HES6: variants seen among roughly 807,000 people sequenced by gnomAD.
HES6 encodes the protein hes family bHLH transcription factor 6, also known as transcription cofactor HES-6.
Under a neutral mutation model 16.4 loss-of-function variants are expected in HES6, and 24 were observed. That is an observed-to-expected ratio of 1.46 (90% confidence interval 1.06 to 2.06). The LOEUF is 2.06. Among genes scored for constraint, HES6 ranks in the 30% most tolerant of loss-of-function variants. The pLI, the probability that HES6 is intolerant of heterozygous loss-of-function variation, is 0.00. For missense variants in HES6, 355 were observed against 317.6 expected (o/e 1.12, Z -0.90); for synonymous variants, 159 against 144.3 (o/e 1.10, Z -0.73).
chr2:238,239,609 C>CGGG, intron 2 of HES6, 41 bp from the exon 3 acceptor site: 41 of 1,145,184 alleles, frequency 3.6e-5, no homozygotes, highest in South Asian at 7.8e-5. Flanking sequence ...AGCGCGCTCC[C>CGGG]GGACCCGCCC....
Position 238,239,835 on chromosome 2 carries a change from C to A in HES6, c.71G>T (p.Gly24Val), listed in dbSNP as rs759285741. Reference sequence around the variant, plus strand: ...GGCCCCGGCCCGCACCTTGCGGTCCCCTCGCGTCTCCCAGCCGTCCTCATC... The same window carrying A: ...GGCCCCGGCCCGCACCTTGCGGTCCACTCGCGTCTCCCAGCCGTCCTCATC... ...REDEDGWETRGDRKARKPLVE... is the reference protein window; with the variant it reads ...REDEDGWETRVDRKARKPLVE... The change falls in exon 1 of 4, where the codon GGG becomes GTG. Residue 24 changes from glycine (G) to valine (V), a missense_variant. By Grantham distance (109) the Gly-to-Val change is moderately radical (BLOSUM62 -3). Coordinates refer to ENST00000272937, the MANE Select transcript of HES6 (RefSeq NM_018645.6). 3.6e-6 allele frequency: 5 copies of A among 1,391,348 alleles called. No individual in the cohort carries two copies. The East Asian group carries it at 1.5e-4, about 43-fold the overall frequency. The allele number at this position is 1,391,348 out of a possible 1,614,324, so 86.2% of individuals were successfully genotyped here.
Position 238,239,994 on chromosome 2 carries a change from G to A in HES6, c.-89C>T. On this transcript the variant is annotated 5_prime_UTR_variant, in exon 1 of 4. Transcript: ENST00000272937. ...GAGTGCCGGCGCCCTCCGCTGCCCC[G>A]CGGCCGCCCAGCAGCAGCCCAGCCG... 3.7e-6 allele frequency: 3 copies of A among 820,786 alleles called. No homozygotes were observed. The highest frequency in any genetic ancestry group is 4.6e-5 in the East Asian group (1 of 21,812). 50.8% of individuals were successfully genotyped at this position (820,786 alleles called of 1,614,324 possible). A position where few individuals can be genotyped will look rare whatever the true frequency, so the allele number is the denominator to read the frequency against.
chr2:238,238,723 G>A lies in HES6; in HGVS notation c.*104C>T. The A allele has an allele frequency of 1.7e-6, 2 of 1,160,642 alleles. No individual in the cohort carries two copies. Among genetic ancestry groups the A allele is most frequent in the Non-Finnish European group, 2.4e-6 (2 of 827,642 alleles). The allele number at this position is 1,160,642 out of a possible 1,614,324, so 71.9% of individuals were successfully genotyped here. On this transcript the variant is annotated 3_prime_UTR_variant, in exon 4 of 4. Transcript: ENST00000272937. Reference sequence around the variant, plus strand: ...CCATCAGAGGAGGGAGGGAAGACCTGGGAGACTTCCAGGGCCCTACCCCAC... The same window carrying A: ...CCATCAGAGGAGGGAGGGAAGACCTAGGAGACTTCCAGGGCCCTACCCCAC...
Position 238,238,595 on chromosome 2 carries a change from C to T in HES6, c.*232G>A. On this transcript the variant is annotated 3_prime_UTR_variant, in exon 4 of 4. Coordinates refer to ENST00000272937, the MANE Select transcript of HES6 (RefSeq NM_018645.6). ...AAATTCTTCCTCCTGCCCGTAGCTC[C>T]CTCCCTCCACCCACTCCAGAGCTGC... 1 of 552,866 alleles carries T rather than the reference C, an allele frequency of 1.8e-6. No homozygotes were observed. The highest frequency in any genetic ancestry group is 2.4e-5 in the South Asian group (1 of 41,442). The allele number at this position is 552,866 out of a possible 1,614,324, so 34.2% of individuals were successfully genotyped here. A position where few individuals can be genotyped will look rare whatever the true frequency, so the allele number is the denominator to read the frequency against.
Position 238,239,829 on chromosome 2 carries a change from C to T in HES6, c.77G>A (p.Arg26His). The T allele has an allele frequency of 2.9e-6, 4 of 1,394,630 alleles. No homozygotes were observed. Among genetic ancestry groups the T allele is most frequent in the Non-Finnish European group, 3.8e-6 (4 of 1,065,228 alleles). The allele number at this position is 1,394,630 out of a possible 1,614,324, so 86.4% of individuals were successfully genotyped here. A position where few individuals can be genotyped will look rare whatever the true frequency, so the allele number is the denominator to read the frequency against. The change falls in exon 1 of 4, where the codon CGC becomes CAC. Residue 26 changes from arginine (R) to histidine (H), a missense_variant. Physicochemically the swap from Arg to His is conservative, Grantham distance 29. Transcript: ENST00000272937. ...GCCCATGGCCCCGGCCCGCACCTTGCGGTCCCCTCGCGTCTCCCAGCCGTC... is the reference window on the plus strand; with the variant it reads ...GCCCATGGCCCCGGCCCGCACCTTGTGGTCCCCTCGCGTCTCCCAGCCGTC... Reference protein sequence around the residue: ...DEDGWETRGDRKARKPLVEKK... With the variant: ...DEDGWETRGDHKARKPLVEKK...
In HES6 at chr2:238,239,493, C is replaced by T. The variant is rs1695252482; in HGVS notation, c.244G>A (p.Ala82Thr). Residue 82 changes from alanine to threonine, a missense_variant, in exon 3 of 4, where the codon GCG (alanine) becomes ACG (threonine). Ala to Thr is a moderately conservative substitution (Grantham distance 58, BLOSUM62 0). Transcript: ENST00000272937. ...RRVQGVLRGR[A>T]REREQLQAEA... The stretch of plus-strand genomic sequence containing the variant: ...CCGCCCCGCCGCCACTCACCGCGCG[C>T]CCGGCCCCGCAGCACACCCTGGACC... 7.7e-7 allele frequency: 1 copy of T among 1,291,392 alleles called. No homozygotes were observed. The highest frequency in any genetic ancestry group is 2.4e-5 in the South Asian group (1 of 40,930). 80.0% of individuals were successfully genotyped at this position (1,291,392 alleles called of 1,614,324 possible).
intron 1 of HES6, 25 bp downstream of exon 1, chr2:238,239,800 G>T: frequency 7.1e-7 from 1 of 1,402,960 alleles, no homozygotes; most frequent in South Asian, 1.5e-5. Context: ...CCGCCCGCTT[G>T]CTCGCCCATG....
chr2:238,239,016 A>G lies in HES6; in HGVS notation c.486T>C (p.Pro162=), dbSNP rs1695232279. ...TTGGGGATCCCGGAGCGCCCCCCGC[A>G]GGCCAGCCACTCCGTCCAGGGGCTC... The part of the protein sequence containing the change: ...PPRAPGRSGW[P]AGGAPGSPIP... Residue 162 remains proline, a synonymous_variant, in exon 4 of 4, where the codon CCT becomes CCC. Coordinates refer to ENST00000272937, the MANE Select transcript of HES6 (RefSeq NM_018645.6). The G allele has an allele frequency of 4.4e-6, 7 of 1,608,150 alleles. No individual in the cohort carries two copies. In the East Asian group the frequency reaches 1.3e-4, roughly 31 times the overall value.
chr2:238,239,235 C>T lies in HES6; in HGVS notation c.267G>A (p.Gln89=), dbSNP rs1399098489. ...RGRAREREQL[Q]AEASERFAAG... Reference sequence around the variant, plus strand: ...CAGCGAAGCGCTCGCTCGCTTCCGCCTGCAGCTGCTCGCGCTCTGGGCCCG... The same window carrying T: ...CAGCGAAGCGCTCGCTCGCTTCCGCTTGCAGCTGCTCGCGCTCTGGGCCCG... Residue 89 remains glutamine, a synonymous_variant, in exon 4 of 4, where the codon CAG becomes CAA. Transcript: ENST00000272937. 1 of 1,607,330 alleles carries T rather than the reference C, an allele frequency of 6.2e-7. No homozygotes were observed. The highest frequency in any genetic ancestry group is 1.3e-5 in the African/African-American group (1 of 75,034).
chr2:238,239,791 C>A, intron 1 of HES6, 34 bp downstream of exon 1: 1 of 1,401,634 alleles, frequency 7.1e-7, no homozygotes, highest in Non-Finnish European at 9.3e-7. Flanking sequence ...CACGGCCTCC[C>A]GCCCGCTTGC....
At position 238,238,360 on chromosome 2, in the gene HES6, A is replaced by G. The variant is rs994512533; in HGVS notation, c.*467T>C. ...CAAACTCAAGTGTGCTACAAACAAGATGTACAGAGCATCACAGCTCTGGGC... is the reference window on the plus strand; with the variant it reads ...CAAACTCAAGTGTGCTACAAACAAGGTGTACAGAGCATCACAGCTCTGGGC... On this transcript the variant is annotated 3_prime_UTR_variant, in exon 4 of 4. Transcript: ENST00000272937. The G allele has an allele frequency of 9.6e-5, 17 of 176,824 alleles. No individual in the cohort carries two copies. Among genetic ancestry groups the G allele is most frequent in the Non-Finnish European group, 1.9e-4 (16 of 85,454 alleles). The allele number at this position is 176,824 out of a possible 1,614,324, so 11.0% of individuals were successfully genotyped here.
chr2:238,239,331 G>T, intron 3 of HES6, 80 bp from the exon 4 acceptor site: 1 of 1,442,554 alleles, frequency 6.9e-7, no homozygotes, highest in Non-Finnish European at 9.1e-7. Context: ...CCCGGCCCGC[G>T]GGGACGCGGC....
rs1695271481 is a variant in HES6, at chr2:238,239,922, A to G, written c.-17T>C. ...TGGCGCCATGCCCGCTCCGCCGGGG[A>G]CGCGGCAGGGGCTAGGAGCAGCGGG... is the stretch of plus-strand genomic sequence containing the variant. On this transcript the variant is annotated 5_prime_UTR_variant, in exon 1 of 4. Coordinates refer to ENST00000272937, the MANE Select transcript of HES6 (RefSeq NM_018645.6). 8.3e-7 allele frequency: 1 copy of G among 1,200,116 alleles called. No individual in the cohort carries two copies. The highest frequency in any genetic ancestry group is 1.0e-6 in the Non-Finnish European group (1 of 966,564). 74.3% of individuals were successfully genotyped at this position (1,200,116 alleles called of 1,614,324 possible).
At position 238,238,830 on chromosome 2, in the gene HES6, C is replaced by T; in HGVS notation, c.672G>A (p.Trp224Ter). 1.9e-6 allele frequency: 3 copies of T among 1,560,134 alleles called. No individual in the cohort carries two copies. The highest frequency in any genetic ancestry group is 2.6e-6 in the Non-Finnish European group (3 of 1,159,276). The change falls in exon 4 of 4, where the codon TGG becomes TGA. Residue 224 changes from tryptophan (W) to a stop codon, truncating the protein, a stop_gained. Coordinates refer to ENST00000272937, the MANE Select transcript of HES6 (RefSeq NM_018645.6). LOFTEE classifies it high-confidence loss of function. ...AQIARSVWRP[W>*] ...GCAGGACTCTGGCTGGCATTGGTCA[C>T]CAAGGCCTCCAGACACTCCGGGCAA...
chr2:238,238,840 C>A lies in HES6; in HGVS notation c.662G>T (p.Trp221Leu). The A allele has an allele frequency of 6.4e-7, 1 of 1,567,356 alleles. No individual in the cohort carries two copies. Among genetic ancestry groups the A allele is most frequent in the East Asian group, 2.3e-5 (1 of 42,910 alleles). Residue 221 changes from tryptophan (W) to leucine (L), a missense_variant, in exon 4 of 4, where the codon TGG becomes TTG. Transcript: ENST00000272937. Reference protein sequence around the residue: ...LTTAQIARSVWRPW With the variant: ...LTTAQIARSVLRPW ...GGCTGGCATTGGTCACCAAGGCCTCCAGACACTCCGGGCAATTTGGGCTGT... is the reference window on the plus strand; with the variant it reads ...GGCTGGCATTGGTCACCAAGGCCTCAAGACACTCCGGGCAATTTGGGCTGT...
At position 238,239,889 on chromosome 2, in the gene HES6, G is replaced by A. The variant is rs1419545717; in HGVS notation, c.17C>T (p.Ala6Val). Residue 6 changes from alanine (A) to valine (V), a missense_variant, in exon 1 of 4, where the codon GCG becomes GTG. Transcript: ENST00000272937. MAPPA[A>V]PGRDRVGRED... ...ACGGCCCACACGGTCCCGGCCAGGC[G>A]CCGCGGGTGGCGCCATGCCCGCTCC... 9 of 1,238,472 alleles carry A rather than the reference G, an allele frequency of 7.3e-6. No individual in the cohort carries two copies. The highest frequency in any genetic ancestry group is 8.1e-6 in the Non-Finnish European group (8 of 988,564). The allele number at this position is 1,238,472 out of a possible 1,614,324, so 76.7% of individuals were successfully genotyped here.
At position 238,240,022 on chromosome 2, in the gene HES6, C is replaced by G. The variant is rs1466595353; in HGVS notation, c.-117G>C. The G allele has an allele frequency of 1.4e-5, 7 of 497,830 alleles. No individual in the cohort carries two copies. Among genetic ancestry groups the G allele is most frequent in the Non-Finnish European group, 1.7e-5 (6 of 348,954 alleles). The allele number at this position is 497,830 out of a possible 1,614,324, so 30.8% of individuals were successfully genotyped here. A position where few individuals can be genotyped will look rare whatever the true frequency, so the allele number is the denominator to read the frequency against. ...GCCGCCCAGCAGCAGCCCAGCCGTC[C>G]GCGCTCCTCGCGGCTTCCGGCCCGC... On this transcript the variant is annotated 5_prime_UTR_variant, in exon 1 of 4. Transcript: ENST00000272937.
rs954379375 is a variant in HES6, at chr2:238,238,413, T to C, written c.*414A>G. On this transcript the variant is annotated 3_prime_UTR_variant, in exon 4 of 4. Transcript: ENST00000272937. ...TGCAGCTCAGTGCACCTGCCTCTCA[T>C]CTCCCCGCTGAAGTGGCAAGTTCAA... 4.7e-5 allele frequency: 12 copies of C among 253,980 alleles called. No individual in the cohort carries two copies. Among genetic ancestry groups the C allele is most frequent in the Non-Finnish European group, 1.5e-5 (2 of 130,548 alleles). 15.7% of individuals were successfully genotyped at this position (253,980 alleles called of 1,614,324 possible). A position where few individuals can be genotyped will look rare whatever the true frequency, so the allele number is the denominator to read the frequency against.
intron 2 of HES6, 43 bp from the exon 3 acceptor site, chr2:238,239,611 G>GTGCC: frequency 8.8e-7 from 1 of 1,135,688 alleles, no homozygotes. Flanking sequence ...CGCGCTCCCG[G>GTGCC]ACCCGCCCGC....
Sources: gnomAD v4.1 joint callset for allele counts on GRCh38, gnomAD v4.1.1 for gene constraint, MANE v1.5 for transcripts, NCBI Gene and HGNC (gene_info 2026-07-23, HGNC 2026-07-21) for gene names.